Variants in C5orf63 observed in about 807,000 individuals in gnomAD.
C5orf63 encodes chromosome 5 open reading frame 63, also known as glutaredoxin-like protein C5orf63.
In C5orf63, 18 loss-of-function variants were observed where a neutral mutation model predicts 13.3. The observed-to-expected ratio is 1.36, with a 90% CI of 0.94 to 2.01. The LOEUF (loss-of-function observed/expected upper bound fraction) is 2.01, where lower values mean the gene tolerates loss of function less well. Ranked by LOEUF, C5orf63 falls within the 30% of genes most tolerant of loss-of-function variation. The pLI, the probability that C5orf63 is intolerant of heterozygous loss-of-function variation, is 0.00. For missense variants in C5orf63, 118 were observed against 127.7 expected (o/e 0.92, Z 0.36); for synonymous variants, 38 against 44.7 (o/e 0.85, Z 0.60).
In C5orf63 at chr5:127,051,495, A is replaced by G; in HGVS notation, c.*276T>C. 1 of 1,235,620 alleles carries G rather than the reference A, an allele frequency of 8.1e-7. No individual in the cohort carries two copies. The highest frequency in any genetic ancestry group is 1.0e-6 in the Non-Finnish European group (1 of 990,238). 76.5% of individuals were successfully genotyped at this position (1,235,620 alleles called of 1,614,324 possible). The stretch of plus-strand genomic sequence containing the variant: ...CTGTGAAGTGCTTCTCTATTAATAC[A>G]AAAAGGATAAATAAGACAAATGGAC... On this transcript the variant is annotated 3_prime_UTR_variant, in exon 5 of 5. Transcript: ENST00000296662.
At chr5:127,059,475 C>T (rs1465931675) in intron 2 of C5orf63, among the ~76,000 whole-genome samples, 1 of 152,150 alleles carries the variant, frequency 6.6e-6, no homozygotes, top group East Asian at 1.9e-4. Flanking sequence ...CACCTGTAAT[C>T]CTGGCACTTT....
downstream of C5orf63, chr5:127,047,570 C>A (rs1042654246): frequency 6.9e-5 from 42 of 607,724 alleles, no homozygotes; most frequent in African/African-American, 7.6e-4. Context: ...TAGGTTAAAA[C>A]CAACATTAGG....
intron 1 of C5orf63, among the ~76,000 whole-genome samples, chr5:127,072,873 G>A (rs1425423146): frequency 6.6e-6 from 1 of 152,162 alleles, no homozygotes; most frequent in Non-Finnish European, 1.5e-5. Context: ...TACAGTTTCT[G>A]ATTTATTCTC....
chr5:127,061,681 AAC>A (rs1376694300), intron 2 of C5orf63, among the ~76,000 whole-genome samples: 1 of 152,194 alleles, frequency 6.6e-6, no homozygotes, highest in Non-Finnish European at 1.5e-5. Context: ...ATACCTTCTA[AAC>A]ACAGCTTTGT....
chr5:127,065,575 A>G (rs1561492281), intron 2 of C5orf63, among the ~76,000 whole-genome samples: 1 of 152,202 alleles, frequency 6.6e-6, no homozygotes, highest in Admixed American at 6.5e-5. Flanking sequence ...CTTCTGCTGA[A>G]TAATAGTGGA....
rs2126882403 is a variant in C5orf63, at chr5:127,052,619, T to G, written c.165A>C (p.Glu55Asp). 1.3e-6 allele frequency: 2 copies of G among 1,501,902 alleles called. No individual in the cohort carries two copies. The highest frequency in any genetic ancestry group is 2.6e-5 in the South Asian group (2 of 77,024). The allele number at this position is 1,501,902 out of a possible 1,614,324, so 93.0% of individuals were successfully genotyped here. A position where few individuals can be genotyped will look rare whatever the true frequency, so the allele number is the denominator to read the frequency against. ...DEAKEVLKPY[E>D]NRFILQEVNI... ...CCACACTGTATTATATTACCCTGTT[T>G]TCATAAGGCTTGAGTACTTCCTTGG... Residue 55 changes from glutamate to aspartate, a missense_variant, in exon 4 of 5, where the codon GAA becomes GAC. By Grantham distance (45) the Glu-to-Asp change is conservative. Coordinates refer to ENST00000296662, the MANE Select transcript of C5orf63 (RefSeq NM_001164478.2).
chr5:127,059,381 T>C (rs1754011503), intron 2 of C5orf63, among the ~76,000 whole-genome samples: 2 of 152,240 alleles, frequency 1.3e-5, no homozygotes, highest in African/African-American at 4.8e-5. Flanking sequence ...TTCTCATGGA[T>C]AGCTTATTAT....
chr5:127,046,040 T>C (rs1295193624), exon 5 of C5orf63: 1 of 152,230 alleles, frequency 6.6e-6, no homozygotes, highest in Non-Finnish European at 1.5e-5. Flanking sequence ...AGCTTGCTTT[T>C]CTCCTTATAT....
intron 4 of C5orf63, 77 bp from the exon 5 acceptor site, chr5:127,052,024 C>T: frequency 9.1e-7 from 1 of 1,101,174 alleles, no homozygotes; most frequent in Non-Finnish European, 1.2e-6. Flanking sequence ...AACTGATCCC[C>T]AGACCATTTC....
In C5orf63 at chr5:127,066,776, A is replaced by C. The variant is rs1200169617; in HGVS notation, c.-8+4808T>G. 2.0e-5 allele frequency among the ~76,000 whole-genome samples: 3 copies of C among 152,132 alleles called. No homozygotes were observed. The East Asian group carries it at 5.8e-4, about 29-fold the overall frequency. ...TAGGTGAAATCATCTAAAATTGTAC[A>C]GAAAAAAAAAGAGGGCCCAGGATAG... On this transcript the variant is annotated intron_variant, in intron 2 of 4. Coordinates refer to ENST00000296662, the MANE Select transcript of C5orf63 (RefSeq NM_001164478.2).
At chr5:127,064,296 G>A (rs757595862) in intron 2 of C5orf63, among the ~76,000 whole-genome samples, 3 of 152,208 alleles carry the variant, frequency 2.0e-5, no homozygotes, top group Non-Finnish European at 4.4e-5. Flanking sequence ...GGAGTGAGGA[G>A]TAGAAGGCCC....
chr5:127,051,940 AAAAT>A lies in C5orf63; in HGVS notation c.175_178del (p.Ile59TyrfsTer4), dbSNP rs1753691676. On this transcript the variant is annotated frameshift_variant, in exon 5 of 5. Transcript: ENST00000296662. LOFTEE classifies it high-confidence loss of function. ...TGGAAGTGTGATGTTCACCTCCTGTAAAATGAACTGAAACAGAGACAGACTAAAG... is the reference window on the plus strand; with the variant it reads ...TGGAAGTGTGATGTTCACCTCCTGTAGAACTGAAACAGAGACAGACTAAAG... The A allele has an allele frequency of 6.6e-7, 1 of 1,503,914 alleles. No individual in the cohort carries two copies. The highest frequency in any genetic ancestry group is 8.8e-7 in the Non-Finnish European group (1 of 1,131,456). The allele number at this position is 1,503,914 out of a possible 1,614,324, so 93.2% of individuals were successfully genotyped here. A position where few individuals can be genotyped will look rare whatever the true frequency, so the allele number is the denominator to read the frequency against.
intron 2 of C5orf63, among the ~76,000 whole-genome samples, chr5:127,065,925 G>T (rs534838655): frequency 6.6e-6 from 1 of 152,230 alleles, no homozygotes; most frequent in African/African-American, 2.4e-5. Flanking sequence ...GCCTTCATGG[G>T]GTCCATGTGC....
chr5:127,052,111 C>T (rs1461895233), intron 4 of C5orf63, among the ~76,000 whole-genome samples, 164 bp from the exon 5 acceptor site: 2 of 152,184 alleles, frequency 1.3e-5, no homozygotes, highest in African/African-American at 4.8e-5. Context: ...CAAAACTTGA[C>T]TGGTTTCATT....
At chr5:127,052,737 C>A in intron 3 of C5orf63, 68 bp from the exon 4 acceptor site, 3 of 1,295,112 alleles carry the variant, frequency 2.3e-6, no homozygotes, top group South Asian at 1.8e-5. Flanking sequence ...AAAAACAAAA[C>A]AAAACAAAAA....
At chr5:127,042,825 T>G (rs1753436381), downstream of C5orf63, 1 of 152,204 alleles carries the variant, frequency 6.6e-6, no homozygotes, top group Non-Finnish European at 1.5e-5. Flanking sequence ...ATGTCTCCAT[T>G]TAATGAATGT....
chr5:127,065,366 T>C (rs1754290752), intron 2 of C5orf63, among the ~76,000 whole-genome samples: 1 of 152,180 alleles, frequency 6.6e-6, no homozygotes, highest in Non-Finnish European at 1.5e-5. Flanking sequence ...TCAAATGTTA[T>C]AAGAGAATGG....
chr5:127,044,806 G>A, downstream of C5orf63: 1 of 150,030 alleles, frequency 6.7e-6, no homozygotes, highest in Non-Finnish European at 1.5e-5. Flanking sequence ...TGGAGAACGG[G>A]GTCTTGCTAT....
At chr5:127,061,597 A>G (rs1473774151) in intron 2 of C5orf63, among the ~76,000 whole-genome samples, 1 of 152,258 alleles carries the variant, frequency 6.6e-6, no homozygotes, top group Non-Finnish European at 1.5e-5. Flanking sequence ...CGAAGTGTTA[A>G]TCACTGGTAC....
Sources: allele counts gnomAD v4.1 joint callset (sites outside exome capture counted in the v4.1 genomes callset), GRCh38; gene constraint gnomAD v4.1.1; transcripts MANE v1.5; gene names NCBI Gene and HGNC (gene_info 2026-07-23, HGNC 2026-07-21).